HECTD4: variants seen among roughly 807,000 people sequenced by gnomAD.
HECTD4 encodes the protein probable E3 ubiquitin-protein ligase HECTD4.
A neutral mutation model predicts 471.5 loss-of-function variants in HECTD4; 114 were observed. The ratio of observed to expected loss-of-function variants is 0.24; its 90% confidence interval spans 0.21 to 0.28. The LOEUF (loss-of-function observed/expected upper bound fraction) is 0.28. Ranked by LOEUF, HECTD4 falls within the 10% of genes least tolerant of loss-of-function variation. HECTD4 has a pLI of 1.00. For synonymous variants in HECTD4, 2,012 were observed against 2,256.0 expected, an observed-to-expected ratio of 0.89 and a Z score of 3.07; for missense variants, 3,866 against 5,651.5, an observed-to-expected ratio of 0.68 and a Z score of 10.13.
chr12:112,163,993 C>T lies in HECTD4; in HGVS notation c.12701+116G>A, dbSNP rs2030817896. ...CTCATCTCCCTCTCCTGGTGAAATC[C>T]ACCTGTCACCTGACCTAGGTCCTCG... On this transcript the variant is annotated intron_variant, in intron 73 of 75. Transcript: ENST00000682272. The surrounding 1 kb of genome is among the most constrained non-coding windows in gnomAD (Gnocchi z 8.2). 2 of 1,140,894 alleles carry T rather than the reference C, an allele frequency of 1.8e-6. No homozygotes were observed. Among genetic ancestry groups the T allele is most frequent in the Non-Finnish European group, 2.3e-6 (2 of 860,280 alleles). 70.7% of individuals were successfully genotyped at this position (1,140,894 alleles called of 1,614,324 possible).
At position 112,185,475 on chromosome 12, in the gene HECTD4, G is replaced by A. The variant is rs528184050; in HGVS notation, c.9491C>T (p.Thr3164Met). The stretch of plus-strand genomic sequence containing the variant: ...CTCCTTCACGCAGGCTGCCATGTCC[G>A]TGGTCCACAAGAAGTTTCCTGAGGC... ...VELLGNFLWT[T>M]DMAACVKELV... Residue 3164 changes from threonine to methionine, a missense_variant, in exon 61 of 76, where the codon ACG becomes ATG. Physicochemically the swap from Thr to Met is moderately conservative, Grantham distance 81. This residue lies in a region of HECTD4 where 364 missense variants were observed against 413.2 expected (regional missense o/e 0.88). Transcript: ENST00000682272. 1 of 1,554,486 alleles carries A rather than the reference G, an allele frequency of 6.4e-7. No individual in the cohort carries two copies. The highest frequency in any genetic ancestry group is 1.2e-5 in the South Asian group (1 of 82,766).
intron 7 of HECTD4, among the ~76,000 whole-genome samples, chr12:112,304,271 G>T (rs1187322491): frequency 7.3e-6 from 1 of 136,196 alleles, no homozygotes. Context: ...TTGAGACAGG[G>T]TCTGTCTCTG....
chr12:112,259,080 A>G lies in HECTD4; in HGVS notation c.3027+32T>C, dbSNP rs2034087564. 1.9e-6 allele frequency: 3 copies of G among 1,567,024 alleles called. No individual in the cohort carries two copies. In the African/African-American group the frequency reaches 4.2e-5, roughly 22 times the overall value. ...ATCCTGTGAAGCAGGTTGGCCAAAA[A>G]GCAGTTCACTTTGGCACACCAAGGA... On this transcript the variant is annotated intron_variant, in intron 19 of 75. Transcript: ENST00000682272.
chr12:112,259,119 G>T lies in HECTD4; in HGVS notation c.3020C>A (p.Thr1007Asn), dbSNP rs1050614405. 1 of 1,611,780 alleles carries T rather than the reference G, an allele frequency of 6.2e-7. No individual in the cohort carries two copies. Among genetic ancestry groups the T allele is most frequent in the African/African-American group, 1.3e-5 (1 of 74,964 alleles). ...MPQLVQLVLY[T>N]SQTALLLKTQ... Reference sequence around the variant, plus strand: ...GCACACCAAGGATCATACCTGGCTGGTATAGAGTACCAGCTGCACTAGCTG... The same window carrying T: ...GCACACCAAGGATCATACCTGGCTGTTATAGAGTACCAGCTGCACTAGCTG... The change falls in exon 19 of 76, where the codon ACC becomes AAC. Residue 1007 changes from threonine (T) to asparagine (N), a missense_variant. Thr to Asn is a moderately conservative substitution (Grantham distance 65, BLOSUM62 0). This residue lies in a region of HECTD4 where 525 missense variants were observed against 672.6 expected (regional missense o/e 0.78). Coordinates refer to ENST00000682272, the MANE Select transcript of HECTD4 (RefSeq NM_001388303.1).
chr12:112,260,727 C>T (rs1351082440), intron 18 of HECTD4, among the ~76,000 whole-genome samples: 1 of 151,446 alleles, frequency 6.6e-6, no homozygotes, highest in Non-Finnish European at 1.5e-5. Context: ...CAGGTGCCTG[C>T]CACCATGCCT....
chr12:112,279,421 T>C (rs757313286), intron 8 of HECTD4, 35 bp from the exon 9 acceptor site: 3 of 1,553,214 alleles, frequency 1.9e-6, no homozygotes, highest in East Asian at 2.3e-5. Context: ...AATCAAAATA[T>C]TTGACACAAA....
intron 44 of HECTD4, among the ~76,000 whole-genome samples, chr12:112,222,643 G>A (rs909032812): frequency 3.3e-5 from 5 of 152,112 alleles, no homozygotes; most frequent in Admixed American, 6.6e-5. Context: ...CTCCAGCCTG[G>A]GCAACAGAGT....
chr12:112,216,690 T>A (rs2032927067), intron 47 of HECTD4, 83 bp downstream of exon 47: 2 of 1,476,778 alleles, frequency 1.4e-6, no homozygotes, highest in Admixed American at 4.1e-5. Flanking sequence ...AAGACAGAAC[T>A]CTATTTTGAC....
At chr12:112,342,826 T>G (rs2036076639) in intron 1 of HECTD4, among the ~76,000 whole-genome samples, 1 of 152,158 alleles carries the variant, frequency 6.6e-6, no homozygotes, top group Non-Finnish European at 1.5e-5. Flanking sequence ...AAGTTCAACT[T>G]CTCTTTCCAA....
intron 7 of HECTD4, among the ~76,000 whole-genome samples, chr12:112,286,118 G>A (rs1425175383): frequency 2.0e-5 from 3 of 152,176 alleles, no homozygotes; most frequent in Admixed American, 2.0e-4. Flanking sequence ...ATACAAGTAG[G>A]GCTGAAGTTT....
rs11066267 is a variant in HECTD4, at chr12:112,356,264, G to A, written c.177+25688C>T. ...ATATCAAATGATTGCTAAAAATAAA[G>A]GGGATATTGTAAATGGCATAAATTG... On this transcript the variant is annotated intron_variant, in intron 1 of 75. Coordinates refer to ENST00000682272, the MANE Select transcript of HECTD4 (RefSeq NM_001388303.1). Among the ~76,000 whole-genome samples, 8,429 of 152,114 alleles carry A rather than the reference G, an allele frequency of 0.055. 1,288 individuals are homozygous for A. In the East Asian group the frequency reaches 0.61, roughly 11 times the overall value.
chr12:112,249,913 CCAA>C (rs1447139983), intron 25 of HECTD4: 2 of 540,266 alleles, frequency 3.7e-6, no homozygotes, highest in Non-Finnish European at 6.6e-6. Context: ...GGTCCAAGAA[CCAA>C]CAAGTTCCCA....
intron 64 of HECTD4, among the ~76,000 whole-genome samples, chr12:112,178,395 G>A (rs971762172): frequency 9.2e-5 from 14 of 152,188 alleles, no homozygotes; most frequent in African/African-American, 3.4e-4. Flanking sequence ...AGAAAATATA[G>A]AACATTTTAA....
rs754965094 is a variant in HECTD4, at chr12:112,308,722, T to C, written c.1164+31A>G. ...AACTTTCTTTATTGCCTCTAAAATA[T>C]GTTTTAAAAATGCCTTGGTTTTCTG... On this transcript the variant is annotated intron_variant, in intron 6 of 75. Coordinates refer to ENST00000682272, the MANE Select transcript of HECTD4 (RefSeq NM_001388303.1). 2.8e-4 allele frequency: 428 copies of C among 1,514,516 alleles called. 1 individual carries two copies. Among genetic ancestry groups the C allele is most frequent in the Admixed American group, 4.5e-4 (21 of 46,920 alleles). 93.8% of individuals were successfully genotyped at this position (1,514,516 alleles called of 1,614,324 possible). A position where few individuals can be genotyped will look rare whatever the true frequency, so the allele number is the denominator to read the frequency against.
intron 39 of HECTD4, 42 bp from the exon 40 acceptor site, chr12:112,230,864 G>A: frequency 6.3e-7 from 1 of 1,582,316 alleles, no homozygotes; most frequent in Non-Finnish European, 8.6e-7. Context: ...CCCAGTGATG[G>A]TTAAGACTGC....
In HECTD4 at chr12:112,267,178, C is replaced by A. The variant is rs970970330; in HGVS notation, c.2322-196G>T. On this transcript the variant is annotated intron_variant, in intron 13 of 75. Transcript: ENST00000682272. ...AGGCAGGTGTGCCCTTCCTCCCTCA[C>A]CGCTCCATGTGCGTCCCTCCCGAAG... The A allele has an allele frequency of 1.4e-5, 8 of 565,258 alleles. No homozygotes were observed. The African/African-American group carries it at 1.5e-4, about 11-fold the overall frequency. 35.0% of individuals were successfully genotyped at this position (565,258 alleles called of 1,614,324 possible).
chr12:112,216,683 A>G (rs1431490031), intron 47 of HECTD4, 90 bp downstream of exon 47: 56 of 1,435,234 alleles, frequency 3.9e-5, no homozygotes, highest in Non-Finnish European at 4.9e-5. Flanking sequence ...TCACTTGAAG[A>G]CAGAACTCTA....
intron 1 of HECTD4, among the ~76,000 whole-genome samples, chr12:112,377,644 G>GCCTCC (rs1375353032): frequency 6.6e-6 from 1 of 152,210 alleles, no homozygotes; most frequent in Non-Finnish European, 1.5e-5. Flanking sequence ...GCTAAGGAAA[G>GCCTCC]CAGATTATTT....
Position 112,224,268 on chromosome 12 carries a change from CTTT to C in HECTD4, c.6970+2372_6970+2374del, listed in dbSNP as rs1275351500. Among the ~76,000 whole-genome samples, 510 of 140,322 alleles carry C rather than the reference CTTT, an allele frequency of 3.6e-3. 7 individuals are homozygous for C. Among genetic ancestry groups the C allele is most frequent in the African/African-American group, 0.012 (477 of 38,562 alleles). The allele number at this position is 140,322 out of a possible 152,430, so 92.1% of individuals were successfully genotyped here. Reference sequence around the variant, plus strand: ...CCTAATAAGTGAGTTATTAAGGATTCTTTTTTTTTTTTTTTGAGATGGAGTCTC... The same window carrying C: ...CCTAATAAGTGAGTTATTAAGGATTCTTTTTTTTTTTTGAGATGGAGTCTC... On this transcript the variant is annotated intron_variant, in intron 44 of 75. Coordinates refer to ENST00000682272, the MANE Select transcript of HECTD4 (RefSeq NM_001388303.1).
Sources: allele counts gnomAD v4.1 joint callset (sites outside exome capture counted in the v4.1 genomes callset), GRCh38; gene constraint gnomAD v4.1.1; regional missense constraint gnomAD v4.1.1; non-coding constraint Gnocchi (gnomAD v3.1); transcripts MANE v1.5; gene names NCBI Gene and HGNC (gene_info 2026-07-23, HGNC 2026-07-21).